The following KAT6B variants were observed in gnomAD, a reference collection of about 807,000 sequenced individuals.
KAT6B encodes lysine acetyltransferase 6B.
A neutral mutation model predicts 187.5 loss-of-function variants in KAT6B; 10 were observed. That is an observed-to-expected ratio of 0.05 (90% CI 0.03 to 0.09). KAT6B has a LOEUF of 0.09. Ranked by LOEUF, KAT6B falls within the 10% of genes least tolerant of loss-of-function variation. The pLI, the probability that KAT6B is intolerant of heterozygous loss-of-function variation, is 1.00. For missense variants in KAT6B, 1,952 were observed against 2,558.9 expected, an observed-to-expected ratio of 0.76 and a Z score of 5.12; for synonymous variants, 861 against 926.8, an observed-to-expected ratio of 0.93 and a Z score of 1.29.
At chr10:74,937,746 C>T (rs1849366155) in intron 3 of KAT6B, among the ~76,000 whole-genome samples, 2 of 152,140 alleles carry the variant, frequency 1.3e-5, no homozygotes, top group Non-Finnish European at 2.9e-5. Flanking sequence ...AAATGCTTAC[C>T]AGAATATCTG....
intron 3 of KAT6B, among the ~76,000 whole-genome samples, chr10:74,901,229 C>T (rs1474821687): frequency 6.6e-6 from 1 of 152,162 alleles, no homozygotes; most frequent in Non-Finnish European, 1.5e-5. Flanking sequence ...TGAAAAGGTT[C>T]AGATCAAAAG....
At chr10:74,868,615 G>C (rs1289220583) in intron 3 of KAT6B, among the ~76,000 whole-genome samples, 1 of 152,162 alleles carries the variant, frequency 6.6e-6, no homozygotes, top group Admixed American at 6.5e-5. Flanking sequence ...ATGAGGAACT[G>C]TTTAATTTCT....
chr10:75,028,772 A>C lies in KAT6B; in HGVS notation c.3948A>C (p.Glu1316Asp). The change falls in exon 18 of 18, where the codon GAA becomes GAC. Residue 1316 changes from glutamate to aspartate, a missense_variant. Transcript: ENST00000287239. ...AGGAGGAGGTCAAGGAAACTGGGGA[A>C]GCCCTGTTGCCTCAAGAGGAAAACA... ...RIEEEVKETG[E>D]ALLPQEENRR... 6.2e-7 allele frequency: 1 copy of C among 1,614,176 alleles called. No homozygotes were observed. The highest frequency in any genetic ancestry group is 8.5e-7 in the Non-Finnish European group (1 of 1,180,026).
In KAT6B at chr10:74,868,969, A is replaced by C. The variant is rs554012856; in HGVS notation, c.621+25491A>C. ...TCTGCCCTGCTGCTGTTTTAATGAA[A>C]ATCAGCCTTGTTCTGAACCACAGTT... On this transcript the variant is annotated intron_variant, in intron 3 of 17. Coordinates refer to ENST00000287239, the MANE Select transcript of KAT6B (RefSeq NM_012330.4). 7.9e-5 allele frequency among the ~76,000 whole-genome samples: 12 copies of C among 152,330 alleles called. No homozygotes were observed. In the East Asian group the frequency reaches 2.3e-3, roughly 29 times the overall value.
intron 3 of KAT6B, among the ~76,000 whole-genome samples, chr10:74,860,766 GGC>G (rs1843121611): frequency 6.6e-6 from 1 of 152,190 alleles, no homozygotes; most frequent in African/African-American, 2.4e-5. Flanking sequence ...GGGAGGCCAA[GGC>G]AGGAGGATCA....
intron 13 of KAT6B, among the ~76,000 whole-genome samples, chr10:75,017,872 A>G (rs939486957): frequency 6.6e-6 from 1 of 152,226 alleles, no homozygotes; most frequent in Admixed American, 6.5e-5. Context: ...TCAGAAATGT[A>G]TCTTTGTTCA....
At chr10:75,017,153 G>A (rs893367180) in intron 13 of KAT6B, among the ~76,000 whole-genome samples, 3 of 150,788 alleles carry the variant, frequency 2.0e-5, no homozygotes, top group South Asian at 2.2e-4. Context: ...ATGAGCCACC[G>A]CGCCCAGCCA....
At position 75,006,477 on chromosome 10, in the gene KAT6B, G is replaced by T. The variant is rs534909376; in HGVS notation, c.2630-14105G>T. On this transcript the variant is annotated intron_variant, in intron 13 of 17. Coordinates refer to ENST00000287239, the MANE Select transcript of KAT6B (RefSeq NM_012330.4). ...ATTTTTAAAAATTTTTTGAGACAGG[G>T]TCTTGCTCTATCACCCAGGCTGTAG... 2.0e-5 allele frequency among the ~76,000 whole-genome samples: 3 copies of T among 152,208 alleles called. No individual in the cohort carries two copies. The East Asian group carries it at 5.8e-4, about 29-fold the overall frequency.
At chr10:74,861,151 C>A (rs963690390) in intron 3 of KAT6B, among the ~76,000 whole-genome samples, 10 of 148,954 alleles carry the variant, frequency 6.7e-5, no homozygotes, top group Non-Finnish European at 1.2e-4. Flanking sequence ...AAAAAAAAAA[C>A]ATTAGCCGGG....
chr10:74,956,910 G>A (rs1840728528), intron 3 of KAT6B, among the ~76,000 whole-genome samples: 1 of 152,156 alleles, frequency 6.6e-6, no homozygotes, highest in African/African-American at 2.4e-5. Context: ...ATGTTGTTGG[G>A]AAAATGTGAT....
In KAT6B at chr10:74,997,074, G is replaced by A. The variant is rs572142871; in HGVS notation, c.2629+7962G>A. On this transcript the variant is annotated intron_variant, in intron 13 of 17. Coordinates refer to ENST00000287239, the MANE Select transcript of KAT6B (RefSeq NM_012330.4). ...AACAAAAACCCTAATAGAGAAATGG[G>A]CAGAGGATCAGCTATGGTGGCTCAT... Among the ~76,000 whole-genome samples, 27 of 151,766 alleles carry A rather than the reference G, an allele frequency of 1.8e-4. 1 individual carries two copies. Among genetic ancestry groups the A allele is most frequent in the Admixed American group, 1.6e-3 (24 of 15,250 alleles).
chr10:75,018,664 G>C lies in KAT6B; in HGVS notation c.2630-1918G>C, dbSNP rs572271093. 2.0e-5 allele frequency among the ~76,000 whole-genome samples: 3 copies of C among 152,198 alleles called. No homozygotes were observed. In the East Asian group the frequency reaches 5.8e-4, roughly 29 times the overall value. On this transcript the variant is annotated intron_variant, in intron 13 of 17. Coordinates refer to ENST00000287239, the MANE Select transcript of KAT6B (RefSeq NM_012330.4). ...CATCATAGTGGGGGACATAAGGTAT[G>C]GGGGGGCACATACCACCTTGGTATG...
rs558104055 is a variant in KAT6B at position 74,917,953 on chromosome 10, T to C, written c.622-42017T>C. 2.6e-5 allele frequency among the ~76,000 whole-genome samples: 4 copies of C among 152,344 alleles called. No individual in the cohort carries two copies. In the South Asian group the frequency reaches 8.3e-4, roughly 32 times the overall value. On this transcript the variant is annotated intron_variant, in intron 3 of 17. Transcript: ENST00000287239. ...GAAGAGTAGTTACAAAGCTACCTTTTTTCATTACTTTTTATTAATAAATAT... is the reference window on the plus strand; with the variant it reads ...GAAGAGTAGTTACAAAGCTACCTTTCTTCATTACTTTTTATTAATAAATAT...
At chr10:75,004,077 AT>A (rs1021632623) in intron 13 of KAT6B, among the ~76,000 whole-genome samples, 1 of 151,976 alleles carries the variant, frequency 6.6e-6, no homozygotes, top group Non-Finnish European at 1.5e-5. Context: ...TACCAAACAA[AT>A]TTTTTGTCTG....
At chr10:75,016,754 C>T (rs1444205213) in intron 13 of KAT6B, among the ~76,000 whole-genome samples, 1 of 152,066 alleles carries the variant, frequency 6.6e-6, no homozygotes, top group Non-Finnish European at 1.5e-5. Context: ...GAAAGTATCC[C>T]GAGTTAAGGA....
chr10:74,851,794 T>A (rs548793277), intron 3 of KAT6B, among the ~76,000 whole-genome samples: 1 of 152,334 alleles, frequency 6.6e-6, no homozygotes, highest in Non-Finnish European at 1.5e-5. Flanking sequence ...GTTATTAATA[T>A]GAAATATTTC....
Position 75,024,999 on chromosome 10 carries a change from G to A in KAT6B, c.3414G>A (p.Arg1138=), listed in dbSNP as rs1845711561. 1.2e-6 allele frequency: 2 copies of A among 1,614,104 alleles called. No homozygotes were observed. Among genetic ancestry groups the A allele is most frequent in the Non-Finnish European group, 8.5e-7 (1 of 1,180,050 alleles). ...VLKKKRGRKR[R]RINSSVTTET... ...AGAAGAAAAGGGGTCGTAAACGCAG[G>A]AGGATCAACAGCAGTGTAACAACAG... is the stretch of plus-strand genomic sequence containing the variant. Residue 1138 remains arginine, a synonymous_variant, in exon 17 of 18, where the codon AGG becomes AGA. Transcript: ENST00000287239.
Position 74,975,802 on chromosome 10 carries a change from C to T in KAT6B, c.1465C>T (p.Pro489Ser). ...TACAGGTACCACACAAAAGCTAAAA[C>T]CTCCACCTTCTTCACTTCCACCCCC... is the stretch of plus-strand genomic sequence containing the variant. Reference protein sequence around the residue: ...LATGTTQKLKPPPSSLPPPTP... With the variant: ...LATGTTQKLKSPPSSLPPPTP... Residue 489 changes from proline (P) to serine (S), a missense_variant, in exon 8 of 18, where the codon CCT becomes TCT. Around this residue, in one of 9 missense-constraint regions of KAT6B, gnomAD observed 417 missense variants for 508.9 expected, o/e 0.82. Transcript: ENST00000287239. 1 of 1,614,168 alleles carries T rather than the reference C, an allele frequency of 6.2e-7. No homozygotes were observed. The highest frequency in any genetic ancestry group is 8.5e-7 in the Non-Finnish European group (1 of 1,180,028).
upstream of KAT6B, among the ~76,000 whole-genome samples, chr10:74,825,392 G>A (rs1367059684): frequency 6.6e-6 from 1 of 150,632 alleles, no homozygotes; most frequent in Admixed American, 6.6e-5. The surrounding 1 kb of genome is among the most constrained non-coding windows in gnomAD (Gnocchi z 5.0). Context: ...GGGCGGGCGG[G>A]GTCCGGGCTG....
Sources: gnomAD v4.1 joint callset for allele counts (sites outside exome capture counted in the v4.1 genomes callset) on GRCh38, gnomAD v4.1.1 for gene constraint, gnomAD v4.1.1 regional missense constraint, Gnocchi (gnomAD v3.1) non-coding constraint, MANE v1.5 for transcripts, NCBI Gene and HGNC (gene_info 2026-07-23, HGNC 2026-07-21) for gene names.